Variants in ACADL observed in about 807,000 individuals in gnomAD.
ACADL encodes the protein acyl-CoA dehydrogenase long chain, also known as long-chain specific acyl-CoA dehydrogenase, mitochondrial.
Under a neutral mutation model 56.9 loss-of-function variants are expected in ACADL, and 60 were observed. The observed-to-expected ratio is 1.05, with a 90% CI of 0.86 to 1.31. The LOEUF (loss-of-function observed/expected upper bound fraction) is 1.31. ACADL is among the 50% of genes most tolerant of loss of function. ACADL has a pLI of 0.00. For missense variants in ACADL, 484 were observed against 525.5 expected (o/e 0.92, Z 0.77); for synonymous variants, 158 against 179.7 (o/e 0.88, Z 0.97).
In ACADL at chr2:210,205,737, A is replaced by C; in HGVS notation, c.663T>G (p.His221Gln). Residue 221 changes from histidine to glutamine, a missense_variant, in exon 6 of 11, where the codon CAT (histidine) becomes CAG (glutamine). His to Gln is a conservative substitution (Grantham distance 24, BLOSUM62 0). Transcript: ENST00000233710. The stretch of plus-strand genomic sequence containing the variant: ...TACCATGGGCAGGGGAGGGAGCTTC[A>C]TGATTTGTGACCGCAACTACAATCA... ...DVVIVVAVTNHEAPSPAHGIS... is the reference protein window; with the variant it reads ...DVVIVVAVTNQEAPSPAHGIS... 6.2e-7 allele frequency: 1 copy of C among 1,614,044 alleles called. No homozygotes were observed. The highest frequency in any genetic ancestry group is 8.5e-7 in the Non-Finnish European group (1 of 1,179,960).
intron 8 of ACADL, among the ~76,000 whole-genome samples, chr2:210,201,476 A>G (rs114751179): frequency 0.018 from 2,753 of 152,306 alleles, 87 homozygotes; most frequent in African/African-American, 0.063. Context: ...TGCAAATCAA[A>G]TACATTTTAT....
chr2:210,192,303 A>G (rs1160114109), intron 10 of ACADL, among the ~76,000 whole-genome samples: 1 of 152,002 alleles, frequency 6.6e-6, no homozygotes, highest in Admixed American at 6.6e-5. Flanking sequence ...CCTGGCCAAC[A>G]TGGCAAAACC....
chr2:210,218,385 A>G (rs1483180321), intron 2 of ACADL: 1 of 358,496 alleles, frequency 2.8e-6, no homozygotes, highest in African/African-American at 2.1e-5. Flanking sequence ...GGTTCAAGCA[A>G]TCCTCCCACC....
chr2:210,217,689 G>T, intron 3 of ACADL: 1 of 375,276 alleles, frequency 2.7e-6, no homozygotes, highest in Non-Finnish European at 4.8e-6. Flanking sequence ...TTTTCTAAGG[G>T]GGAAAAGTAA....
At chr2:210,214,376 A>G (rs1326659822) in intron 4 of ACADL, among the ~76,000 whole-genome samples, 5 of 151,726 alleles carry the variant, frequency 3.3e-5, no homozygotes, top group Non-Finnish European at 4.4e-5. Flanking sequence ...CTCTGTTCTT[A>G]TATTCTCTTA....
chr2:210,190,702 A>G (rs985761586), intron 10 of ACADL, among the ~76,000 whole-genome samples: 3 of 152,136 alleles, frequency 2.0e-5, no homozygotes, highest in Non-Finnish European at 4.4e-5. Flanking sequence ...GTTATTAAAG[A>G]AGACAAAAAC....
chr2:210,194,518 C>T (rs149031847), intron 9 of ACADL, among the ~76,000 whole-genome samples: 257 of 152,246 alleles, frequency 1.7e-3, no homozygotes, highest in Non-Finnish European at 2.4e-3. Context: ...GTCTGACATA[C>T]AGGGATGTTT....
Position 210,195,370 on chromosome 2 carries a change from G to A in ACADL, c.985-32C>T, listed in dbSNP as rs767578078. The A allele has an allele frequency of 4.4e-6, 7 of 1,595,858 alleles. No individual in the cohort carries two copies. In the South Asian group the frequency reaches 7.7e-5, roughly 18 times the overall value. ...TTTAAAGGAAATAAAAGAAAAAAGT[G>A]AGCATGGTAGAAATATAAACTTCAA... On this transcript the variant is annotated intron_variant, in intron 8 of 10. Coordinates refer to ENST00000233710, the MANE Select transcript of ACADL (RefSeq NM_001608.4).
At chr2:210,199,430 A>G (rs1293916832) in intron 8 of ACADL, among the ~76,000 whole-genome samples, 2 of 152,140 alleles carry the variant, frequency 1.3e-5, no homozygotes, top group African/African-American at 2.4e-5. Flanking sequence ...TACTTCTTTA[A>G]AAAGGAATGA....
intron 3 of ACADL, 93 bp downstream of exon 3, chr2:210,217,872 C>A: frequency 6.8e-7 from 1 of 1,480,434 alleles, no homozygotes; most frequent in South Asian, 1.1e-5. Context: ...GATTAGAAAA[C>A]ATTTGTTTGT....
At chr2:210,207,421 C>G (rs917164237) in intron 5 of ACADL, among the ~76,000 whole-genome samples, 1 of 151,918 alleles carries the variant, frequency 6.6e-6, no homozygotes, top group African/African-American at 2.4e-5. Context: ...GTCAGCTCTA[C>G]TAAACTACTT....
chr2:210,203,882 T>C (rs928748645), intron 7 of ACADL, among the ~76,000 whole-genome samples: 2 of 152,228 alleles, frequency 1.3e-5, no homozygotes, highest in Non-Finnish European at 2.9e-5. Context: ...ATTTTTCTTC[T>C]CTTTACTCAC....
At position 210,205,837 on chromosome 2, in the gene ACADL, T is replaced by C. The variant is rs1688879486; in HGVS notation, c.604-41A>G. On this transcript the variant is annotated intron_variant, in intron 5 of 10. Transcript: ENST00000233710. Reference sequence around the variant, plus strand: ...TACATTATTAATGCACCATGATAATTCAATTCTATGTGCAAGTTATGATTG... The same window carrying C: ...TACATTATTAATGCACCATGATAATCCAATTCTATGTGCAAGTTATGATTG... The C allele has an allele frequency of 8.7e-6, 14 of 1,607,860 alleles. No homozygotes were observed. In the South Asian group the frequency reaches 1.3e-4, roughly 15 times the overall value.
chr2:210,204,716 C>T (rs747849304), intron 6 of ACADL, 34 bp from the exon 7 acceptor site: 1 of 1,432,330 alleles, frequency 7.0e-7, no homozygotes, highest in African/African-American at 1.4e-5. Flanking sequence ...AGAGAATGGT[C>T]TCATTTAAAT....
At chr2:210,213,498 A>T (rs1277949449) in intron 4 of ACADL, among the ~76,000 whole-genome samples, 2 of 147,136 alleles carry the variant, frequency 1.4e-5, no homozygotes, top group Admixed American at 1.4e-4. Context: ...GAGACTGTTT[A>T]AAAAAAAAAA....
chr2:210,217,766 A>G (rs13416057), intron 3 of ACADL, 199 bp downstream of exon 3: 587 of 637,932 alleles, frequency 9.2e-4, no homozygotes, highest in African/African-American at 8.7e-3. Flanking sequence ...TCAGCAACTT[A>G]AAAGGATTTT....
At chr2:210,217,893 G>C in intron 3 of ACADL, 72 bp downstream of exon 3, 1 of 1,544,518 alleles carries the variant, frequency 6.5e-7, no homozygotes, top group Non-Finnish European at 8.9e-7. Context: ...TTGTTTGTTT[G>C]TTTGGTCATT....
intron 4 of ACADL, among the ~76,000 whole-genome samples, chr2:210,211,483 G>T (rs1237726421): frequency 6.6e-6 from 1 of 152,178 alleles, no homozygotes; most frequent in Non-Finnish European, 1.5e-5. Context: ...GGAGGAGGGG[G>T]CCTGGTGGGC....
In ACADL at chr2:210,210,229, C is replaced by A. The variant is rs966859764; in HGVS notation, c.570G>T (p.Lys190Asn). ...CATTGAGAATCCAGTCACTTCCATC[C>A]TTTTTAGCATTTGTTTTTATTCCCT... ...DLQGIKTNAKKDGSDWILNGS... is the reference protein window; with the variant it reads ...DLQGIKTNAKNDGSDWILNGS... The change falls in exon 5 of 11, where the codon AAG (lysine) becomes AAT (asparagine). Residue 190 changes from lysine (K) to asparagine (N), a missense_variant. Transcript: ENST00000233710. 6.2e-6 allele frequency: 10 copies of A among 1,612,712 alleles called. No homozygotes were observed. The highest frequency in any genetic ancestry group is 8.5e-6 in the Non-Finnish European group (10 of 1,179,086).
Sources: allele counts gnomAD v4.1 joint callset (sites outside exome capture counted in the v4.1 genomes callset), GRCh38; gene constraint gnomAD v4.1.1; transcripts MANE v1.5; gene names NCBI Gene and HGNC (gene_info 2026-07-23, HGNC 2026-07-21).